Variants in KCNN2 observed in about 807,000 individuals in gnomAD.
KCNN2 encodes the protein small conductance calcium-activated potassium channel protein 2.
Under a neutral mutation model 55.5 loss-of-function variants are expected in KCNN2, and 24 were observed. The ratio of observed to expected loss-of-function variants is 0.43; its 90% CI spans 0.31 to 0.61. The LOEUF is 0.61. Ranked by LOEUF, KCNN2 falls within the 20% of genes least tolerant of loss-of-function variation. The probability of loss-of-function intolerance (pLI) is 0.08; values close to 1 mark genes in which losing one functional copy is unlikely to be tolerated. For synonymous variants in KCNN2, 431 were observed against 336.1 expected, an observed-to-expected ratio of 1.28 and a Z score of -3.09; for missense variants, 754 against 853.6, an observed-to-expected ratio of 0.88 and a Z score of 1.45.
chr5:114,484,459 A>C (rs972181154), intron 5 of KCNN2, among the ~76,000 whole-genome samples: 3 of 152,184 alleles, frequency 2.0e-5, no homozygotes, highest in African/African-American at 7.2e-5. Flanking sequence ...ACACTGCCTA[A>C]ATTTATATAA....
chr5:114,297,770 G>A (rs1421223927), intron 2 of KCNN2, among the ~76,000 whole-genome samples: 1 of 152,058 alleles, frequency 6.6e-6, no homozygotes, highest in Non-Finnish European at 1.5e-5. Flanking sequence ...AAAATAATAT[G>A]TTATCAGAGT....
chr5:114,338,860 C>T (rs954618066), intron 2 of KCNN2, among the ~76,000 whole-genome samples: 2 of 152,154 alleles, frequency 1.3e-5, no homozygotes, highest in African/African-American at 4.8e-5. Flanking sequence ...AGGTAGATAT[C>T]TGTTGATTTT....
intron 1 of KCNN2, among the ~76,000 whole-genome samples, chr5:114,066,428 G>T (rs765835821): frequency 2.6e-4 from 40 of 152,192 alleles, no homozygotes; most frequent in Non-Finnish European, 5.4e-4. Context: ...GATTTGGGAG[G>T]AATCTGAGAG....
At chr5:114,117,657 A>T (rs1751732226) in intron 1 of KCNN2, among the ~76,000 whole-genome samples, 1 of 152,180 alleles carries the variant, frequency 6.6e-6, no homozygotes, top group Admixed American at 6.5e-5. Context: ...TTTAGAAAGG[A>T]GTAGAAGCAT....
At chr5:114,377,857 A>G (rs1236969480) in intron 2 of KCNN2, among the ~76,000 whole-genome samples, 2 of 152,200 alleles carry the variant, frequency 1.3e-5, no homozygotes, top group East Asian at 1.9e-4. Flanking sequence ...ATCTAGCGTG[A>G]TACCTGGCAC....
intron 2 of KCNN2, among the ~76,000 whole-genome samples, chr5:114,252,786 T>TGA (rs780509805): frequency 3.3e-4 from 48 of 147,120 alleles, no homozygotes; most frequent in Admixed American, 1.6e-3. Flanking sequence ...TGTGTGTGTG[T>TGA]GTGAGAGAGA....
intron 2 of KCNN2, among the ~76,000 whole-genome samples, chr5:114,364,727 C>G (rs376822034): frequency 6.6e-6 from 1 of 150,832 alleles, no homozygotes; most frequent in African/African-American, 2.4e-5. Flanking sequence ...GTCATCTTGT[C>G]AGTTGTTAGC....
intron 1 of KCNN2, among the ~76,000 whole-genome samples, chr5:114,100,908 A>T (rs1393217595): frequency 6.6e-6 from 1 of 151,966 alleles, no homozygotes; most frequent in Admixed American, 6.6e-5. Flanking sequence ...ATATAAGTCC[A>T]TAGTTACATT....
chr5:114,403,508 C>T (rs1758845919), intron 2 of KCNN2, among the ~76,000 whole-genome samples: 1 of 152,148 alleles, frequency 6.6e-6, no homozygotes, highest in South Asian at 2.1e-4. Context: ...GCTGGCATCC[C>T]TGGCTTCTGG....
At chr5:114,120,066 C>T (rs1032737664) in intron 1 of KCNN2, among the ~76,000 whole-genome samples, 3 of 152,092 alleles carry the variant, frequency 2.0e-5, no homozygotes, top group Admixed American at 6.6e-5. Flanking sequence ...AAGGGCAGTA[C>T]CCTACTCTTT....
intron 4 of KCNN2, among the ~76,000 whole-genome samples, chr5:114,467,064 C>T (rs887371287): frequency 2.0e-5 from 3 of 152,174 alleles, no homozygotes; most frequent in African/African-American, 7.2e-5. Context: ...ATCCTTTCCA[C>T]GTTAAATTTG....
At chr5:114,267,370 C>T (rs1301450795) in intron 2 of KCNN2, among the ~76,000 whole-genome samples, 3 of 152,106 alleles carry the variant, frequency 2.0e-5, no homozygotes, top group Admixed American at 2.0e-4. Context: ...GCTACCCACC[C>T]CATTCTTCAT....
At chr5:114,339,101 C>A (rs1384402105) in intron 2 of KCNN2, among the ~76,000 whole-genome samples, 1 of 152,162 alleles carries the variant, frequency 6.6e-6, no homozygotes, top group Non-Finnish European at 1.5e-5. Context: ...GGTGGTTTTT[C>A]TCTTTCTTTG....
At chr5:114,295,267 C>T (rs1219166960) in intron 2 of KCNN2, among the ~76,000 whole-genome samples, 2 of 152,322 alleles carry the variant, frequency 1.3e-5, no homozygotes, top group East Asian at 3.9e-4. Context: ...GAGGTTACTG[C>T]TGTCTTTTTG....
intron 1 of KCNN2, among the ~76,000 whole-genome samples, chr5:114,069,801 G>A (rs1454783410): frequency 1.3e-5 from 2 of 152,142 alleles, no homozygotes; most frequent in Non-Finnish European, 2.9e-5. Flanking sequence ...CAACACAACT[G>A]TCATCTCTTC....
chr5:114,480,541 C>T (rs1012714574), intron 5 of KCNN2, among the ~76,000 whole-genome samples: 1 of 152,024 alleles, frequency 6.6e-6, no homozygotes, highest in African/African-American at 2.4e-5. Flanking sequence ...CAAAATCCGG[C>T]AGAGATACAA....
chr5:114,450,645 C>T (rs1378635162), intron 3 of KCNN2, among the ~76,000 whole-genome samples: 1 of 152,190 alleles, frequency 6.6e-6, no homozygotes, highest in East Asian at 1.9e-4. Flanking sequence ...GAAGCCAGCT[C>T]CAGATTGTCT....
At chr5:114,160,231 A>G (rs1250972730) in intron 1 of KCNN2, among the ~76,000 whole-genome samples, 2 of 152,190 alleles carry the variant, frequency 1.3e-5, no homozygotes, top group African/African-American at 2.4e-5. Flanking sequence ...TTCAAAGAAC[A>G]TCTTTATTTC....
At chr5:114,156,586 G>A (rs1752640012) in intron 1 of KCNN2, among the ~76,000 whole-genome samples, 1 of 152,060 alleles carries the variant, frequency 6.6e-6, no homozygotes, top group Non-Finnish European at 1.5e-5. Flanking sequence ...TCTCCTTGTA[G>A]AGCTCTTTCA....
Sources: allele counts gnomAD v4.1 joint callset (sites outside exome capture counted in the v4.1 genomes callset), GRCh38; gene constraint gnomAD v4.1.1; transcripts MANE v1.5; gene names NCBI Gene and HGNC (gene_info 2026-07-23, HGNC 2026-07-21).